The following SOX6 variants were observed in gnomAD, a reference collection of about 807,000 sequenced individuals.
The protein encoded by SOX6 is SRY-box transcription factor 6.
A neutral mutation model predicts 97.8 loss-of-function variants in SOX6; 11 were observed. The observed-to-expected ratio is 0.11, with a 90% CI of 0.07 to 0.19. The LOEUF (loss-of-function observed/expected upper bound fraction) is 0.19, where lower values mean the gene tolerates loss of function less well. Among genes scored for constraint, SOX6 ranks in the 10% least tolerant of loss-of-function variants. SOX6 has a pLI of 1.00. For synonymous variants in SOX6, 360 were observed against 371.4 expected (o/e 0.97, Z 0.35); for missense variants, 810 against 1,039.5 (o/e 0.78, Z 3.04).
chr11:16,039,568 A>G (rs1345980712), intron 12 of SOX6, among the ~76,000 whole-genome samples: 1 of 152,070 alleles, frequency 6.6e-6, no homozygotes, highest in African/African-American at 2.4e-5. Flanking sequence ...TGTACGATGG[A>G]GATTTCCAGA....
intron 4 of SOX6, among the ~76,000 whole-genome samples, chr11:16,225,211 A>T (rs1852651320): frequency 6.6e-6 from 1 of 152,040 alleles, no homozygotes; most frequent in Admixed American, 6.6e-5. Flanking sequence ...TTTTCTAAAG[A>T]GACAGCAAAA....
At position 16,046,667 on chromosome 11, in the gene SOX6, A is replaced by G. The variant is rs1855843290; in HGVS notation, c.1470T>C (p.Phe490=). Residue 490 remains phenylalanine, a synonymous_variant, in exon 12 of 16, where the codon TTT becomes TTC. Transcript: ENST00000683767. ...CTTTCATCACTGTATCCTGATCCCC[A>G]AAAAGGGCAGGGGAGTTGAGACTAG... ...ILSSLNSPAL[F]GDQDTVMKAI... The G allele has an allele frequency of 6.2e-7, 1 of 1,613,370 alleles. No individual in the cohort carries two copies. Among genetic ancestry groups the G allele is most frequent in the Non-Finnish European group, 8.5e-7 (1 of 1,179,692 alleles).
At chr11:16,388,441 T>C (rs1485347184) in intron 1 of SOX6, among the ~76,000 whole-genome samples, 1 of 152,102 alleles carries the variant, frequency 6.6e-6, no homozygotes, top group Non-Finnish European at 1.5e-5. Context: ...GAGGTAGAAA[T>C]TGTTCTATTT....
At chr11:16,485,772 T>C (rs1192849711) in intron 4 of SOX6, among the ~76,000 whole-genome samples, 1 of 149,352 alleles carries the variant, frequency 6.7e-6, no homozygotes, top group Non-Finnish European at 1.5e-5. Context: ...CACACACCTG[T>C]AGTCCCAGCT....
chr11:16,414,228 C>T (rs995060299), intron 1 of SOX6, among the ~76,000 whole-genome samples: 4 of 152,120 alleles, frequency 2.6e-5, no homozygotes, highest in East Asian at 1.9e-4. Context: ...TTTTCCCCCA[C>T]CAAAAGCTCC....
At chr11:16,160,545 G>A (rs997196949) in intron 6 of SOX6, among the ~76,000 whole-genome samples, 1 of 152,242 alleles carries the variant, frequency 6.6e-6, no homozygotes, top group Non-Finnish European at 1.5e-5. Flanking sequence ...ATTACTTTAC[G>A]GGGTGGAGGC....
chr11:16,540,496 A>C (rs1264837321), intron 4 of SOX6, among the ~76,000 whole-genome samples: 1 of 152,122 alleles, frequency 6.6e-6, no homozygotes, highest in Non-Finnish European at 1.5e-5. Context: ...GAAGGAAATA[A>C]AGGGTATTCA....
rs536066176 is a variant in SOX6 at position 16,109,486 on chromosome 11, G to A, written c.898+2317C>T. 2.0e-5 allele frequency among the ~76,000 whole-genome samples: 3 copies of A among 152,176 alleles called. No homozygotes were observed. In the South Asian group the frequency reaches 6.2e-4, roughly 32 times the overall value. On this transcript the variant is annotated intron_variant, in intron 7 of 15. Coordinates refer to ENST00000683767, the MANE Select transcript of SOX6 (RefSeq NM_001367873.1). ...CAACGTGCTGGGATTACAGGCATGAGCCACCACACCCAGCCCTCACATACA... is the reference window on the plus strand; with the variant it reads ...CAACGTGCTGGGATTACAGGCATGAACCACCACACCCAGCCCTCACATACA...
chr11:16,434,492 CT>C (rs907300877), intron 1 of SOX6: 23 of 152,158 alleles, frequency 1.5e-4, no homozygotes, highest in African/African-American at 5.6e-4. Context: ...AAAGTCACTG[CT>C]TTGATGATAA....
At chr11:16,064,677 G>C (rs949312733) in intron 9 of SOX6, among the ~76,000 whole-genome samples, 1 of 151,682 alleles carries the variant, frequency 6.6e-6, no homozygotes, top group African/African-American at 2.4e-5. Context: ...ATGACCAAGT[G>C]GGATTTATCC....
At chr11:16,109,951 C>G (rs896995353) in intron 7 of SOX6, among the ~76,000 whole-genome samples, 3 of 152,088 alleles carry the variant, frequency 2.0e-5, no homozygotes, top group East Asian at 3.9e-4. Flanking sequence ...TTTAAGCTGC[C>G]CTTTGTTCAA....
intron 1 of SOX6, among the ~76,000 whole-genome samples, chr11:16,413,511 A>AC (rs1858863856): frequency 1.0e-5 from 1 of 98,852 alleles, no homozygotes; most frequent in Non-Finnish European, 2.1e-5. Flanking sequence ...AAAGACTTCT[A>AC]CTTTTTTTTT....
chr11:16,566,574 C>T (rs559039338), intron 4 of SOX6, among the ~76,000 whole-genome samples: 7 of 152,350 alleles, frequency 4.6e-5, no homozygotes, highest in Non-Finnish European at 7.3e-5. Context: ...AGCATTATTG[C>T]CCTATGGTTT....
intron 1 of SOX6, among the ~76,000 whole-genome samples, chr11:16,402,467 T>C (rs1342497532): frequency 6.6e-6 from 1 of 151,474 alleles, no homozygotes; most frequent in African/African-American, 2.4e-5. Context: ...CTTCTGGGAG[T>C]TCAGGAAGAA....
intron 4 of SOX6, among the ~76,000 whole-genome samples, chr11:16,525,176 C>A (rs1352517104): frequency 6.6e-6 from 1 of 152,176 alleles, no homozygotes. Flanking sequence ...ATTGCCAAGT[C>A]AATCCTAAGC....
chr11:16,379,482 A>G (rs1028369878), intron 1 of SOX6, among the ~76,000 whole-genome samples: 42 of 152,326 alleles, frequency 2.8e-4, no homozygotes, highest in Non-Finnish European at 2.1e-4. Context: ...AAGAAAAAAA[A>G]ATGCAAATAA....
chr11:16,492,976 G>T (rs1386763478), intron 4 of SOX6, among the ~76,000 whole-genome samples: 2 of 152,128 alleles, frequency 1.3e-5, no homozygotes, highest in Non-Finnish European at 2.9e-5. Flanking sequence ...AATAATGGGA[G>T]AAAGTATATG....
intron 6 of SOX6, among the ~76,000 whole-genome samples, chr11:16,133,863 A>G (rs1295950588): frequency 6.6e-6 from 1 of 151,878 alleles, no homozygotes; most frequent in African/African-American, 2.4e-5. Context: ...TAATTTTTGC[A>G]TTTAGTAGAG....
At chr11:16,484,362 A>G in intron 4 of SOX6, 1 of 815,002 alleles carries the variant, frequency 1.2e-6, no homozygotes, top group Non-Finnish European at 2.2e-6. Context: ...GGATCCAGGT[A>G]GTCCAGCTTC....
Sources: gnomAD v4.1 joint callset for allele counts (sites outside exome capture counted in the v4.1 genomes callset) on GRCh38, gnomAD v4.1.1 for gene constraint, MANE v1.5 for transcripts, NCBI Gene and HGNC (gene_info 2026-07-23, HGNC 2026-07-21) for gene names.